KCNC2: variants seen among roughly 807,000 people sequenced by gnomAD.
The protein encoded by KCNC2 is potassium voltage-gated channel subfamily C member 2.
KCNC2 carries 21 observed loss-of-function variants against 44.5 expected under a neutral mutation model. The ratio of observed to expected loss-of-function variants is 0.47; its 90% confidence interval spans 0.33 to 0.68. KCNC2 has a LOEUF of 0.68. Ranked by LOEUF, KCNC2 falls within the 30% of genes least tolerant of loss-of-function variation. The pLI is 0.01. For missense variants in KCNC2, 589 were observed against 826.2 expected, an observed-to-expected ratio of 0.71 and a Z score of 3.52; for synonymous variants, 391 against 339.1, an observed-to-expected ratio of 1.15 and a Z score of -1.68.
At chr12:75,146,023 T>C (rs1035503093) in intron 2 of KCNC2, among the ~76,000 whole-genome samples, 5 of 151,254 alleles carry the variant, frequency 3.3e-5, no homozygotes, top group Non-Finnish European at 5.9e-5. Flanking sequence ...GCGCGATCTC[T>C]GTTCACTGCA....
At chr12:75,144,197 T>TA (rs916057157) in intron 2 of KCNC2, among the ~76,000 whole-genome samples, 2 of 152,058 alleles carry the variant, frequency 1.3e-5, no homozygotes, top group Non-Finnish European at 2.9e-5. Context: ...TTATCTTTTT[T>TA]AAAAAATTAA....
chr12:75,080,827 A>C (rs975065104), intron 2 of KCNC2, among the ~76,000 whole-genome samples: 15 of 152,034 alleles, frequency 9.9e-5, no homozygotes, highest in African/African-American at 3.4e-4. Context: ...GGATATGCCT[A>C]TACTAGATTT....
At chr12:75,190,545 T>C (rs1035743000) in intron 2 of KCNC2, among the ~76,000 whole-genome samples, 2 of 152,196 alleles carry the variant, frequency 1.3e-5, no homozygotes, top group Non-Finnish European at 2.9e-5. Context: ...TTATTATTTC[T>C]AAATGTTAGA....
chr12:75,061,916 A>G (rs1298079441), intron 2 of KCNC2, among the ~76,000 whole-genome samples: 1 of 152,094 alleles, frequency 6.6e-6, no homozygotes, highest in African/African-American at 2.4e-5. Context: ...CACTGATAAC[A>G]GTTTTATAGG....
chr12:75,153,425 A>G (rs549338735), intron 2 of KCNC2, among the ~76,000 whole-genome samples: 3 of 152,016 alleles, frequency 2.0e-5, no homozygotes, highest in East Asian at 3.9e-4. Flanking sequence ...ATGTGTACAC[A>G]TGGATAGAGA....
intron 1 of KCNC2, among the ~76,000 whole-genome samples, chr12:75,208,322 T>A (rs1198455196): frequency 6.6e-6 from 1 of 152,014 alleles, no homozygotes. Context: ...CCACTCTTCC[T>A]CTTTTCTGTT....
At chr12:75,084,402 A>G (rs7955059) in intron 2 of KCNC2, among the ~76,000 whole-genome samples, 105,985 of 151,654 alleles carry the variant, frequency 0.7, 37,746 homozygotes, top group Non-Finnish European at 0.77. Context: ...TGTATCCCCC[A>G]GAATTCCCAC....
chr12:75,192,380 C>A (rs1437946351), intron 2 of KCNC2, among the ~76,000 whole-genome samples: 1 of 152,036 alleles, frequency 6.6e-6, no homozygotes, highest in Non-Finnish European at 1.5e-5. Context: ...GCATTTGGTC[C>A]CACCGGCGAT....
chr12:75,165,444 T>C (rs1250825947), intron 2 of KCNC2, among the ~76,000 whole-genome samples: 1 of 151,558 alleles, frequency 6.6e-6, no homozygotes, highest in Non-Finnish European at 1.5e-5. Context: ...CAGTTAGTCA[T>C]GAGTTATGAA....
At chr12:75,205,281 A>G (rs375113949) in intron 2 of KCNC2, among the ~76,000 whole-genome samples, 111 of 152,280 alleles carry the variant, frequency 7.3e-4, no homozygotes, top group African/African-American at 2.6e-3. Flanking sequence ...CATCTACAGT[A>G]TAAAGGGTCT....
At chr12:75,068,685 T>C (rs902918186) in intron 2 of KCNC2, among the ~76,000 whole-genome samples, 17 of 152,262 alleles carry the variant, frequency 1.1e-4, no homozygotes, top group African/African-American at 4.1e-4. Context: ...TGATTACAAT[T>C]AACAGTTGCA....
In KCNC2 at chr12:75,207,864, G is replaced by A. The variant is rs1010744811; in HGVS notation, c.120C>T (p.Ser40=). 1.9e-6 allele frequency: 3 copies of A among 1,611,998 alleles called. No individual in the cohort carries two copies. The highest frequency in any genetic ancestry group is 2.2e-5 in the East Asian group (1 of 44,716). ...PGTRLALLAS[S]EPPGDCLTTA... ...TGGTCAAGCAGTCGCCTGGGGGCTC[G>A]GAGGAGGCAAGAAGGGCCAGGCGTG... The change falls in exon 2 of 5, where the codon TCC becomes TCT. Residue 40 remains serine, a synonymous_variant. Coordinates refer to ENST00000549446, the MANE Select transcript of KCNC2 (RefSeq NM_139137.4). This position sits in a 1 kb window ranked among gnomAD's most constrained non-coding sequence, Gnocchi z 4.1.
chr12:75,209,332 C>G lies in KCNC2; in HGVS notation c.-145G>C, dbSNP rs545633664. 8 of 152,338 alleles carry G rather than the reference C, an allele frequency of 5.3e-5. No individual in the cohort carries two copies. Among genetic ancestry groups the G allele is most frequent in the African/African-American group, 1.9e-4 (8 of 41,566 alleles). The allele number at this position is 152,338 out of a possible 1,614,324, so 9.4% of individuals were successfully genotyped here. A position where few individuals can be genotyped will look rare whatever the true frequency, so the allele number is the denominator to read the frequency against. On this transcript the variant is annotated 5_prime_UTR_variant, in exon 1 of 5. Transcript: ENST00000549446. ...TCTCCGACGAGAAACTACTTGTTGG[C>G]GTTTTCCGGATTCAGGTGGTTGAGC...
At chr12:75,057,094 A>G (rs1193458753) in intron 2 of KCNC2, among the ~76,000 whole-genome samples, 1 of 152,070 alleles carries the variant, frequency 6.6e-6, no homozygotes, top group African/African-American at 2.4e-5. Flanking sequence ...TTTTAAAACA[A>G]AATTCAAAGT....
intron 2 of KCNC2, among the ~76,000 whole-genome samples, chr12:75,176,532 A>G (rs1892195851): frequency 6.6e-6 from 1 of 151,844 alleles, no homozygotes; most frequent in Non-Finnish European, 1.5e-5. Context: ...GTACCAGCCA[A>G]ATGGCCTCAC....
chr12:75,109,179 C>T (rs1351171099), intron 2 of KCNC2, among the ~76,000 whole-genome samples: 3 of 152,048 alleles, frequency 2.0e-5, no homozygotes, highest in Non-Finnish European at 4.4e-5. Flanking sequence ...CATAGGAAAT[C>T]CCAGAAATGG....
chr12:75,061,635 A>G (rs558461540), intron 2 of KCNC2, among the ~76,000 whole-genome samples: 7 of 151,388 alleles, frequency 4.6e-5, no homozygotes, highest in Middle Eastern at 3.4e-3. Flanking sequence ...TTACTGCATC[A>G]TGAGGGTGGA....
chr12:75,087,434 A>C (rs1408524582), intron 2 of KCNC2, among the ~76,000 whole-genome samples: 1 of 152,116 alleles, frequency 6.6e-6, no homozygotes, highest in Non-Finnish European at 1.5e-5. Flanking sequence ...TGCTCTTAGC[A>C]ATCTTATAAG....
intron 2 of KCNC2, among the ~76,000 whole-genome samples, chr12:75,179,261 C>T (rs1028814994): frequency 6.6e-6 from 1 of 151,710 alleles, no homozygotes; most frequent in African/African-American, 2.4e-5. Context: ...ATTCAGAGGG[C>T]GAAATTTTTT....
Sources: gnomAD v4.1 joint callset for allele counts (sites outside exome capture counted in the v4.1 genomes callset) on GRCh38, gnomAD v4.1.1 for gene constraint, Gnocchi (gnomAD v3.1) non-coding constraint, MANE v1.5 for transcripts, NCBI Gene and HGNC (gene_info 2026-07-23, HGNC 2026-07-21) for gene names.